The following SEC24A variants were observed in gnomAD, a reference collection of about 807,000 sequenced individuals.
SEC24A encodes protein transport protein Sec24A.
A neutral mutation model predicts 129.4 loss-of-function variants in SEC24A; 93 were observed. That is an observed-to-expected ratio of 0.72 (90% CI 0.61 to 0.85). The LOEUF (loss-of-function observed/expected upper bound fraction) is 0.85, where lower values mean the gene tolerates loss of function less well. SEC24A is among the 40% of genes least tolerant of loss of function. The pLI is 0.00. For missense variants in SEC24A, 1,264 were observed against 1,307.4 expected (o/e 0.97, Z 0.51); for synonymous variants, 460 against 467.3 (o/e 0.98, Z 0.20).
At chr5:134,696,147 G>A (rs1422351391) in intron 13 of SEC24A, among the ~76,000 whole-genome samples, 1 of 151,554 alleles carries the variant, frequency 6.6e-6, no homozygotes, top group Non-Finnish European at 1.5e-5. Context: ...GTGCATGCCT[G>A]TAATCCCAGC....
intron 7 of SEC24A, among the ~76,000 whole-genome samples, chr5:134,676,634 G>A (rs1395698318): frequency 6.6e-6 from 1 of 151,908 alleles, no homozygotes; most frequent in Non-Finnish European, 1.5e-5. Context: ...AGTAGAGATG[G>A]TGTTTCACCA....
In SEC24A at chr5:134,666,879, G is replaced by C. The variant is rs772083075; in HGVS notation, c.622G>C (p.Ala208Pro). 48 of 1,613,988 alleles carry C rather than the reference G, an allele frequency of 3.0e-5. No homozygotes were observed. The Admixed American group carries it at 6.2e-4, about 21-fold the overall frequency. ...PPLPTTFQPG[A>P]PHGPPPAGGP... ...TCTGCCTACAACTTTTCAACCAGGA[G>C]CTCCTCATGGGCCCCCTCCAGCTGG... Residue 208 changes from alanine to proline, a missense_variant, in exon 3 of 23, where the codon GCT (alanine) becomes CCT (proline). Coordinates refer to ENST00000398844, the MANE Select transcript of SEC24A (RefSeq NM_021982.3).
intron 7 of SEC24A, among the ~76,000 whole-genome samples, chr5:134,677,948 T>C (rs1013779418): frequency 6.6e-6 from 1 of 152,108 alleles, no homozygotes; most frequent in Non-Finnish European, 1.5e-5. Flanking sequence ...TGTCTCAGGG[T>C]TTCTGGTAAA....
intron 18 of SEC24A, among the ~76,000 whole-genome samples, chr5:134,713,164 C>T (rs1317888176): frequency 6.6e-6 from 1 of 152,076 alleles, no homozygotes; most frequent in Non-Finnish European, 1.5e-5. Flanking sequence ...ATCTCCTGAC[C>T]TTGTGATCCA....
intron 1 of SEC24A, among the ~76,000 whole-genome samples, chr5:134,659,227 A>G (rs1043919797): frequency 1.3e-5 from 2 of 151,628 alleles, no homozygotes; most frequent in African/African-American, 4.9e-5. Flanking sequence ...ACCCGCCACC[A>G]CGCTCCACTA....
At chr5:134,675,461 A>T (rs1323884934) in intron 6 of SEC24A, among the ~76,000 whole-genome samples, 1 of 152,198 alleles carries the variant, frequency 6.6e-6, no homozygotes, top group Non-Finnish European at 1.5e-5. Context: ...GATATTCATT[A>T]TCATTATGGT....
chr5:134,665,411 C>T (rs146022912), intron 2 of SEC24A, among the ~76,000 whole-genome samples: 3,647 of 149,240 alleles, frequency 0.024, 64 homozygotes, highest in African/African-American at 0.056. Context: ...GCCGAGATTG[C>T]GCCATTGCAC....
At chr5:134,708,103 T>G (rs1752218998) in intron 17 of SEC24A, among the ~76,000 whole-genome samples, 1 of 152,128 alleles carries the variant, frequency 6.6e-6, no homozygotes, top group Admixed American at 6.6e-5. Context: ...CACTCCAGCC[T>G]GGGCGACAGA....
chr5:134,718,307 G>A (rs901168575), intron 20 of SEC24A, 134 bp downstream of exon 20: 10 of 558,514 alleles, frequency 1.8e-5, no homozygotes, highest in Non-Finnish European at 3.2e-5. Context: ...GTCGTACACT[G>A]ATTAATGATG....
chr5:134,664,663 T>C (rs954715541), intron 2 of SEC24A, among the ~76,000 whole-genome samples: 5 of 152,116 alleles, frequency 3.3e-5, no homozygotes, highest in Non-Finnish European at 7.3e-5. Context: ...TATACTGCCA[T>C]AGATATGTGT....
intron 2 of SEC24A, among the ~76,000 whole-genome samples, chr5:134,665,759 T>C (rs1201902318): frequency 2.6e-5 from 4 of 152,138 alleles, no homozygotes; most frequent in African/African-American, 7.2e-5. Context: ...GGTTTCACCA[T>C]GTTGGCAGGC....
In SEC24A at chr5:134,723,637, A is replaced by G; in HGVS notation, c.3134A>G (p.Gln1045Arg). Residue 1045 changes from glutamine to arginine, a missense_variant, in exon 22 of 23, where the codon CAG becomes CGG. Transcript: ENST00000398844. ...IIAFISWLREQRPFFPILYVI... is the reference protein window; with the variant it reads ...IIAFISWLRERRPFFPILYVI... ...GCTTTCATCTCTTGGCTTAGAGAGC[A>G]GAGACCATTTTTCCCAATACTTTAT... The G allele has an allele frequency of 6.2e-7, 1 of 1,611,500 alleles. No homozygotes were observed. Among genetic ancestry groups the G allele is most frequent in the Non-Finnish European group, 8.5e-7 (1 of 1,177,686 alleles).
Position 134,693,806 on chromosome 5 carries a change from T to G in SEC24A, c.1859T>G (p.Leu620Arg). ...LETQSALGPA[L>R]QAAFKLMSPT... is the part of the protein sequence containing the mutation. ...ACCCAGAGTGCCTTGGGTCCTGCAC[T>G]GCAGGCTGCCTTTAAGCTGATGTCT... The change falls in exon 13 of 23, where the codon CTG becomes CGG. Residue 620 changes from leucine to arginine, a missense_variant. Coordinates refer to ENST00000398844, the MANE Select transcript of SEC24A (RefSeq NM_021982.3). 6.2e-7 allele frequency: 1 copy of G among 1,614,222 alleles called. No individual in the cohort carries two copies. Among genetic ancestry groups the G allele is most frequent in the Non-Finnish European group, 8.5e-7 (1 of 1,180,042 alleles).
Position 134,686,786 on chromosome 5 carries a change from TCAG to T in SEC24A, c.1492-3_1492-1del. ...TGTACTTAACAAGATCTTTTTTTCT[TCAG>T]TTACGACCACCTCAGCCTCCAGTGT... On this transcript the variant is annotated splice_acceptor_variant and splice_polypyrimidine_tract_variant and intron_variant, in intron 9 of 22. Coordinates refer to ENST00000398844, the MANE Select transcript of SEC24A (RefSeq NM_021982.3). LOFTEE classifies it high-confidence loss of function. 1 of 1,566,182 alleles carries T rather than the reference TCAG, an allele frequency of 6.4e-7. No homozygotes were observed. Among genetic ancestry groups the T allele is most frequent in the Admixed American group, 1.9e-5 (1 of 53,282 alleles).
chr5:134,658,710 C>T lies in SEC24A; in HGVS notation c.98-2409C>T, dbSNP rs78479102. On this transcript the variant is annotated intron_variant, in intron 1 of 22. Transcript: ENST00000398844. Reference sequence around the variant, plus strand: ...CATGAGCCACCATGCCCAACCTCTACACGATTTTAATAGGGGAAGAATGGG... The same window carrying T: ...CATGAGCCACCATGCCCAACCTCTATACGATTTTAATAGGGGAAGAATGGG... Among the ~76,000 whole-genome samples the T allele has an allele frequency of 1.4e-3, 218 of 152,256 alleles. 1 individual carries two copies. In the East Asian group the frequency reaches 0.022, roughly 15 times the overall value.
intron 13 of SEC24A, among the ~76,000 whole-genome samples, chr5:134,696,625 A>G (rs1751832143): frequency 6.6e-6 from 1 of 151,950 alleles, no homozygotes; most frequent in Admixed American, 6.6e-5. Context: ...CAGCCTCCCG[A>G]GTAGCTGGGA....
chr5:134,664,797 T>C (rs1269473899), intron 2 of SEC24A, among the ~76,000 whole-genome samples: 1 of 123,670 alleles, frequency 8.1e-6, no homozygotes, highest in Non-Finnish European at 1.6e-5. Context: ...TTTTTCTTTT[T>C]TTTTTTTTTT....
In SEC24A at chr5:134,671,862, G is replaced by C; in HGVS notation, c.793G>C (p.Glu265Gln). The change falls in exon 4 of 23, where the codon GAG (glutamate) becomes CAG (glutamine). Residue 265 changes from glutamate to glutamine, a missense_variant. Transcript: ENST00000398844. Reference protein sequence around the residue: ...GSMVVHSSYDEIEGGGLLATP... With the variant: ...GSMVVHSSYDQIEGGGLLATP... ...TATGGTGGTCCACAGTAGTTACGAC[G>C]AGATTGAAGGAGGTGGCTTATTGGG... is the stretch of plus-strand genomic sequence containing the variant. The C allele has an allele frequency of 1.2e-6, 2 of 1,608,840 alleles. No homozygotes were observed. Among genetic ancestry groups the C allele is most frequent in the Non-Finnish European group, 1.7e-6 (2 of 1,177,738 alleles).
Position 134,661,471 on chromosome 5 carries a change from C to A in SEC24A, c.450C>A (p.Asn150Lys), listed in dbSNP as rs1306261775. ...ATCCATCCACAGCCTCACAAACAAA[C>A]CATTGTCCTCGTGCATCATCCCAAC... is the stretch of plus-strand genomic sequence containing the variant. ...YNYPSTASQT[N>K]HCPRASSQPT... The change falls in exon 2 of 23, where the codon AAC (asparagine) becomes AAA (lysine). Residue 150 changes from asparagine to lysine, a missense_variant. By Grantham distance (94) the Asn-to-Lys change is moderately conservative. Coordinates refer to ENST00000398844, the MANE Select transcript of SEC24A (RefSeq NM_021982.3). The A allele has an allele frequency of 1.2e-6, 2 of 1,614,176 alleles. No individual in the cohort carries two copies. The highest frequency in any genetic ancestry group is 2.2e-5 in the South Asian group (2 of 91,088).
Sources: allele counts gnomAD v4.1 joint callset (sites outside exome capture counted in the v4.1 genomes callset), GRCh38; gene constraint gnomAD v4.1.1; transcripts MANE v1.5; gene names NCBI Gene and HGNC (gene_info 2026-07-23, HGNC 2026-07-21).